Variants in PLXNC1 observed in about 807,000 individuals in gnomAD.
The protein encoded by PLXNC1 is plexin-C1.
A neutral mutation model predicts 178.2 loss-of-function variants in PLXNC1; 75 were observed. The ratio of observed to expected loss-of-function variants is 0.42; its 90% CI spans 0.35 to 0.51. The LOEUF is 0.51. Among genes scored for constraint, PLXNC1 ranks in the 20% least tolerant of loss-of-function variants. The pLI is 0.02. For missense variants in PLXNC1, 1,503 were observed against 1,984.4 expected, an observed-to-expected ratio of 0.76 and a Z score of 4.61; for synonymous variants, 790 against 779.9, an observed-to-expected ratio of 1.01 and a Z score of -0.22.
chr12:94,245,064 C>T (rs1248278953), intron 12 of PLXNC1, among the ~76,000 whole-genome samples: 3 of 152,212 alleles, frequency 2.0e-5, no homozygotes, highest in African/African-American at 2.4e-5. Flanking sequence ...CCTGATAGGC[C>T]GTCCTTACAG....
intron 9 of PLXNC1, among the ~76,000 whole-genome samples, chr12:94,236,661 A>G (rs978478202): frequency 6.6e-6 from 1 of 152,088 alleles, no homozygotes; most frequent in Non-Finnish European, 1.5e-5. Context: ...AGGGGAAAAA[A>G]GAGTGTGAGT....
intron 1 of PLXNC1, among the ~76,000 whole-genome samples, chr12:94,164,716 C>T (rs974967879): frequency 6.6e-6 from 1 of 151,542 alleles, no homozygotes; most frequent in African/African-American, 2.4e-5. Flanking sequence ...CGTACACACA[C>T]AAACACACAC....
intron 9 of PLXNC1, among the ~76,000 whole-genome samples, chr12:94,237,016 C>T (rs1964261363): frequency 6.6e-6 from 1 of 152,270 alleles, no homozygotes; most frequent in East Asian, 1.9e-4. Context: ...GGGACATGTT[C>T]TTGACCTTAG....
rs370718611 is a variant in PLXNC1 at position 94,301,009 on chromosome 12, C to T, written c.4338C>T (p.Ala1446=). Residue 1446 remains alanine, a synonymous_variant, in exon 28 of 31, where the codon GCC becomes GCT. Transcript: ENST00000258526. ...PHIDGCLSVI[A]QAFMDAFSLT... The stretch of plus-strand genomic sequence containing the variant: ...TAGACGGCTGTTTGTCAGTGATTGC[C>T]CAGGCATTCATGGATGCATTTTCTC... 5.3e-5 allele frequency: 86 copies of T among 1,613,710 alleles called. No individual in the cohort carries two copies. The highest frequency in any genetic ancestry group is 6.7e-5 in the Admixed American group (4 of 59,978).
At position 94,300,892 on chromosome 12, in the gene PLXNC1, T is replaced by C. The variant is rs1353754537; in HGVS notation, c.4239-18T>C. On this transcript the variant is annotated intron_variant, in intron 27 of 30. Coordinates refer to ENST00000258526, the MANE Select transcript of PLXNC1 (RefSeq NM_005761.3). ...TGAATGGCCCTATTTGAAAAGAGAT[T>C]ATTCTCTCTTTGAACAGCCTTCCTC... 2.5e-6 allele frequency: 4 copies of C among 1,601,874 alleles called. No homozygotes were observed. Among genetic ancestry groups the C allele is most frequent in the Admixed American group, 1.7e-5 (1 of 59,342 alleles).
At chr12:94,231,965 T>C (rs1964115726) in intron 9 of PLXNC1, among the ~76,000 whole-genome samples, 1 of 152,224 alleles carries the variant, frequency 6.6e-6, no homozygotes, top group South Asian at 2.1e-4. Flanking sequence ...CTAATATTTG[T>C]TATTACCCTC....
rs553756156 is a variant in PLXNC1, at chr12:94,257,448, T to C, written c.3088-1889T>C. On this transcript the variant is annotated intron_variant, in intron 17 of 30. Transcript: ENST00000258526. ...GATCTAAGCTGAAGAAAAGGGAAAT[T>C]TGAATGAAAGGAGGAAGCAGCCTTA... is the stretch of plus-strand genomic sequence containing the variant. Among the ~76,000 whole-genome samples the C allele has an allele frequency of 3.3e-5, 5 of 152,100 alleles. No homozygotes were observed. The East Asian group carries it at 7.7e-4, about 24-fold the overall frequency.
intron 21 of PLXNC1, among the ~76,000 whole-genome samples, chr12:94,272,670 C>T (rs1965647354): frequency 2.0e-5 from 3 of 152,198 alleles, no homozygotes. Context: ...CTTTGGAGGC[C>T]AAGGTGGGAG....
At chr12:94,235,034 C>G (rs776352995) in intron 9 of PLXNC1, among the ~76,000 whole-genome samples, 10 of 152,080 alleles carry the variant, frequency 6.6e-5, no homozygotes, top group Non-Finnish European at 1.0e-4. Flanking sequence ...TAGGAGGGTC[C>G]TCTTGGTAGC....
intron 2 of PLXNC1, among the ~76,000 whole-genome samples, chr12:94,180,863 A>G (rs979772845): frequency 6.6e-6 from 1 of 152,222 alleles, no homozygotes; most frequent in Non-Finnish European, 1.5e-5. Context: ...AATTGTGGTC[A>G]GCCAGCTTCC....
At chr12:94,222,088 A>G (rs1963811528) in intron 6 of PLXNC1, among the ~76,000 whole-genome samples, 1 of 151,772 alleles carries the variant, frequency 6.6e-6, no homozygotes, top group African/African-American at 2.4e-5. Context: ...AATCACCTCA[A>G]TTTTCCACTT....
rs1454296242 is a variant in PLXNC1 at position 94,307,254 on chromosome 12, T to TAAGC, written c.*1970_*1973dup. ...TGCCTCAATTTCTGTATAATATTTC[T>TAAGC]AAGCTACCTCACTGAGGTGGTATGA... is the stretch of plus-strand genomic sequence containing the variant. On this transcript the variant is annotated 3_prime_UTR_variant, in exon 31 of 31. Coordinates refer to ENST00000258526, the MANE Select transcript of PLXNC1 (RefSeq NM_005761.3). 1 of 152,220 alleles carries TAAGC rather than the reference T, an allele frequency of 6.6e-6. No homozygotes were observed. Among genetic ancestry groups the TAAGC allele is most frequent in the African/African-American group, 2.4e-5 (1 of 41,458 alleles). The allele number at this position is 152,220 out of a possible 1,614,324, so 9.4% of individuals were successfully genotyped here.
chr12:94,158,006 C>T (rs1010480821), intron 1 of PLXNC1: 12 of 152,154 alleles, frequency 7.9e-5, no homozygotes, highest in African/African-American at 2.4e-4. Flanking sequence ...GCTCATGGGC[C>T]GTTTGAAAAA....
chr12:94,202,795 CA>C (rs1348799776), intron 4 of PLXNC1, among the ~76,000 whole-genome samples: 3 of 152,130 alleles, frequency 2.0e-5, no homozygotes, highest in African/African-American at 7.2e-5. Context: ...ACTCATCAAC[CA>C]AACTTACCTG....
chr12:94,271,422 C>T (rs1965561434), intron 21 of PLXNC1, among the ~76,000 whole-genome samples: 1 of 152,224 alleles, frequency 6.6e-6, no homozygotes, highest in African/African-American at 2.4e-5. Flanking sequence ...GCAGCCTTAT[C>T]CTCTCTGCCT....
chr12:94,205,291 A>G (rs1394253228), intron 4 of PLXNC1, among the ~76,000 whole-genome samples: 1 of 152,252 alleles, frequency 6.6e-6, no homozygotes, highest in Non-Finnish European at 1.5e-5. Context: ...ACAATACTGT[A>G]ATAATAAATT....
At chr12:94,168,430 T>C (rs1961710985) in intron 1 of PLXNC1, 3 of 152,230 alleles carry the variant, frequency 2.0e-5, no homozygotes, top group Admixed American at 2.0e-4. Flanking sequence ...TATTTAATGA[T>C]CAGGACCAAG....
chr12:94,240,896 A>G (rs1439775595), intron 11 of PLXNC1, among the ~76,000 whole-genome samples: 1 of 151,902 alleles, frequency 6.6e-6, no homozygotes, highest in African/African-American at 2.4e-5. Context: ...CTGCTGAGAA[A>G]CTCACAGCTG....
At chr12:94,186,855 C>G (rs1413109718) in intron 4 of PLXNC1, 1 of 209,446 alleles carries the variant, frequency 4.8e-6, no homozygotes, top group African/African-American at 2.3e-5. Context: ...AGCTGAATCC[C>G]CATCATGTAT....
Sources: allele counts gnomAD v4.1 joint callset (sites outside exome capture counted in the v4.1 genomes callset), GRCh38; gene constraint gnomAD v4.1.1; transcripts MANE v1.5; gene names NCBI Gene and HGNC (gene_info 2026-07-23, HGNC 2026-07-21).